CDH18: variants seen among roughly 807,000 people sequenced by gnomAD.
CDH18 encodes cadherin-18.
A neutral mutation model predicts 67.9 loss-of-function variants in CDH18; 31 were observed. That is an observed-to-expected ratio of 0.46 (90% CI 0.34 to 0.62). The LOEUF (loss-of-function observed/expected upper bound fraction) is 0.62. CDH18 is among the 20% of genes least tolerant of loss of function. The pLI is 0.01. For missense variants in CDH18, 890 were observed against 975.5 expected (o/e 0.91, Z 1.17); for synonymous variants, 362 against 347.2 (o/e 1.04, Z -0.48).
intron 5 of CDH18, among the ~76,000 whole-genome samples, chr5:19,709,720 A>G (rs1456683926): frequency 6.6e-6 from 1 of 151,902 alleles, no homozygotes. Context: ...AAAAGAAAAG[A>G]AAAAAAGAAA....
intron 1 of CDH18, among the ~76,000 whole-genome samples, chr5:20,567,597 G>C (rs538301888): frequency 5.9e-5 from 9 of 152,254 alleles, no homozygotes; most frequent in Admixed American, 2.0e-4. Flanking sequence ...TATAAGGTCA[G>C]GCTGACAAGG....
At chr5:20,123,882 G>T (rs1234833594) in intron 2 of CDH18, among the ~76,000 whole-genome samples, 4 of 69,362 alleles carry the variant, frequency 5.8e-5, no homozygotes, top group African/African-American at 9.4e-5. Context: ...GCGAGACTCC[G>T]TCTCAAAAAA....
chr5:19,757,571 A>C (rs1771774203), intron 3 of CDH18, among the ~76,000 whole-genome samples: 1 of 152,174 alleles, frequency 6.6e-6, no homozygotes, highest in South Asian at 2.1e-4. Flanking sequence ...TCCACAGATC[A>C]GGTCATTCTA....
intron 3 of CDH18, among the ~76,000 whole-genome samples, chr5:19,800,247 G>A (rs1345532313): frequency 2.0e-5 from 3 of 152,084 alleles, no homozygotes; most frequent in Non-Finnish European, 4.4e-5. Context: ...GTGGGGGCAA[G>A]ATAGCTCTAA....
intron 1 of CDH18, among the ~76,000 whole-genome samples, chr5:20,326,953 A>G (rs1020605304): frequency 1.4e-4 from 21 of 152,230 alleles, no homozygotes; most frequent in African/African-American, 1.9e-4. Context: ...AGAGAGTGTC[A>G]TAGACGGGTG....
At chr5:19,680,615 G>T (rs1458018235) in intron 5 of CDH18, among the ~76,000 whole-genome samples, 2 of 151,938 alleles carry the variant, frequency 1.3e-5, no homozygotes, top group East Asian at 3.9e-4. Context: ...GATGTGAACA[G>T]ATACTTTTCG....
chr5:20,439,840 A>G lies in CDH18; in HGVS notation c.-580+135622T>C, dbSNP rs1260518349. Among the ~76,000 whole-genome samples the G allele has an allele frequency of 2.0e-5, 3 of 151,804 alleles. No individual in the cohort carries two copies. In the East Asian group the frequency reaches 5.8e-4, roughly 29 times the overall value. On this transcript the variant is annotated intron_variant, in intron 1 of 14. Coordinates refer to the CDH18 transcript ENST00000507958. ...GTTCAGCTTTAGATATAATTTTAAAACAAATGAGAAATTATATTTGAAATT... is the reference window on the plus strand; with the variant it reads ...GTTCAGCTTTAGATATAATTTTAAAGCAAATGAGAAATTATATTTGAAATT...
chr5:19,717,999 C>T (rs544750276), intron 5 of CDH18, among the ~76,000 whole-genome samples: 1 of 151,846 alleles, frequency 6.6e-6, no homozygotes, highest in East Asian at 1.9e-4. Context: ...ACATTTTTTT[C>T]ACAAGATGTT....
At chr5:20,338,422 A>G (rs1480096612) in intron 1 of CDH18, among the ~76,000 whole-genome samples, 1 of 152,180 alleles carries the variant, frequency 6.6e-6, no homozygotes, top group African/African-American at 2.4e-5. Flanking sequence ...GGGGAGCTTC[A>G]TCAACCCTCT....
intron 1 of CDH18, among the ~76,000 whole-genome samples, chr5:20,492,316 A>AG (rs1753642869): frequency 6.6e-6 from 1 of 152,124 alleles, no homozygotes; most frequent in Admixed American, 6.5e-5. Context: ...GACTTTCTTT[A>AG]GGAAAAAAAA....
At chr5:19,708,332 T>C (rs1035306947) in intron 5 of CDH18, among the ~76,000 whole-genome samples, 5 of 152,212 alleles carry the variant, frequency 3.3e-5, no homozygotes, top group Non-Finnish European at 7.3e-5. Context: ...ATTTCAATGA[T>C]GACTGTGCTT....
chr5:19,821,406 CAAA>C (rs566178728), intron 3 of CDH18, among the ~76,000 whole-genome samples: 1 of 93,352 alleles, frequency 1.1e-5, no homozygotes, highest in African/African-American at 3.9e-5. Context: ...AAACAAAAAA[CAAA>C]AAAAAAAAAA....
intron 2 of CDH18, among the ~76,000 whole-genome samples, chr5:20,222,121 C>T (rs999335780): frequency 6.6e-6 from 1 of 152,110 alleles, no homozygotes; most frequent in Non-Finnish European, 1.5e-5. Context: ...ATAGCAGAGT[C>T]CATGAAGCCA....
intron 4 of CDH18, among the ~76,000 whole-genome samples, chr5:19,726,397 A>C (rs1766848743): frequency 6.6e-6 from 1 of 152,192 alleles, no homozygotes; most frequent in African/African-American, 2.4e-5. Flanking sequence ...AAAGAGCAAC[A>C]AATCGCCTCG....
intron 3 of CDH18, among the ~76,000 whole-genome samples, chr5:19,752,988 C>G (rs1265444799): frequency 6.6e-6 from 1 of 152,282 alleles, no homozygotes; most frequent in Non-Finnish European, 1.5e-5. Context: ...GGGGAGGACA[C>G]TATGTGAAGG....
intron 12 of CDH18, among the ~76,000 whole-genome samples, chr5:19,476,341 T>C (rs908630951): frequency 9.9e-5 from 15 of 152,180 alleles, no homozygotes; most frequent in African/African-American, 3.6e-4. Context: ...ATGTTGGTGC[T>C]ACACATGCCC....
chr5:20,526,386 C>G (rs551803709), intron 1 of CDH18, among the ~76,000 whole-genome samples: 8 of 152,118 alleles, frequency 5.3e-5, no homozygotes, highest in Non-Finnish European at 1.2e-4. Flanking sequence ...TTCCCCACCA[C>G]AGCACTCCAG....
chr5:20,416,684 A>G (rs890316571), intron 1 of CDH18, among the ~76,000 whole-genome samples: 1 of 152,124 alleles, frequency 6.6e-6, no homozygotes, highest in Non-Finnish European at 1.5e-5. Context: ...CAAAATGCAT[A>G]GATAATAGTA....
intron 6 of CDH18, among the ~76,000 whole-genome samples, chr5:19,606,667 C>T (rs1390293930): frequency 6.6e-6 from 1 of 151,730 alleles, no homozygotes; most frequent in Non-Finnish European, 1.5e-5. Context: ...AATTATTATA[C>T]AGCAAAGACA....
Sources: gnomAD v4.1 joint callset for allele counts (sites outside exome capture counted in the v4.1 genomes callset) on GRCh38, gnomAD v4.1.1 for gene constraint, MANE v1.5 for transcripts, NCBI Gene and HGNC (gene_info 2026-07-23, HGNC 2026-07-21) for gene names.